Variants in ITLN2 observed in about 807,000 individuals in gnomAD.
The protein encoded by ITLN2 is intelectin 2.
Under a neutral mutation model 39.4 loss-of-function variants are expected in ITLN2, and 29 were observed. The observed-to-expected ratio is 0.74, with a 90% CI of 0.55 to 1.00. ITLN2 has a LOEUF of 1.00. Ranked by LOEUF, ITLN2 falls within the 50% of genes least tolerant of loss-of-function variation. The pLI, the probability that ITLN2 is intolerant of heterozygous loss-of-function variation, is 0.00. For synonymous variants in ITLN2, 156 were observed against 153.4 expected (o/e 1.02, Z -0.12); for missense variants, 412 against 416.7 (o/e 0.99, Z 0.10).
chr1:160,948,512 C>T (rs981539356), intron 6 of ITLN2: 1 of 153,486 alleles, frequency 6.5e-6, no homozygotes, highest in Admixed American at 6.5e-5. Context: ...AACTTCTGTG[C>T]TCTTATTATA....
chr1:160,950,700 G>T lies in ITLN2; in HGVS notation c.453C>A (p.Tyr151Ter). 1 of 1,612,846 alleles carries T rather than the reference G, an allele frequency of 6.2e-7. No individual in the cohort carries two copies. Among genetic ancestry groups the T allele is most frequent in the Non-Finnish European group, 8.5e-7 (1 of 1,179,304 alleles). The part of the protein sequence containing the change: ...ATSDDYKNPG[Y>*]YDIQAKDLGI... ...CCAGGTCCTTGGCCTGGATGTCGTA[G>T]TAGCCAGGGTTCTGGAAAGCAACAG... The change falls in exon 5 of 8, where the codon TAC becomes TAA. Residue 151 changes from tyrosine to a stop codon, truncating the protein, a stop_gained. Transcript: ENST00000368029. LOFTEE classifies it high-confidence loss of function.
In ITLN2 at chr1:160,952,809, T is replaced by C. The variant is rs760100205; in HGVS notation, c.80-76A>G. The C allele has an allele frequency of 2.1e-5, 22 of 1,038,726 alleles. No individual in the cohort carries two copies. In the Middle Eastern group the frequency reaches 1.7e-3, roughly 82 times the overall value. The allele number at this position is 1,038,726 out of a possible 1,614,324, so 64.3% of individuals were successfully genotyped here. The stretch of plus-strand genomic sequence containing the variant: ...CTTTCCTGGCCAATCTCTGCCCCTG[T>C]ATCAACTCATCACTCTGCTCTGAAG... On this transcript the variant is annotated intron_variant, in intron 2 of 7. Transcript: ENST00000368029.
Position 160,951,207 on chromosome 1 carries a change from G to C in ITLN2, c.277C>G (p.Leu93Val). 2 of 1,613,914 alleles carry C rather than the reference G, an allele frequency of 1.2e-6. No individual in the cohort carries two copies. Among genetic ancestry groups the C allele is most frequent in the Non-Finnish European group, 1.7e-6 (2 of 1,179,848 alleles). ...DMTSGGGGWT[L>V]VASVHENDMR... ...TCATTCTCGTGCACGCTGGCCACCA[G>C]GGTCCAGCCGCCACCCCCAGAAGTC... The change falls in exon 4 of 8, where the codon CTG (leucine) becomes GTG (valine). Residue 93 changes from leucine (L) to valine (V), a missense_variant. By Grantham distance (32) the Leu-to-Val change is conservative. Transcript: ENST00000368029.
At position 160,948,029 on chromosome 1, in the gene ITLN2, T is replaced by C; in HGVS notation, c.725A>G (p.Glu242Gly). ...GAACTGAACGAATCCTGCAACAAAT[T>C]CCCCTGAAAAAGAAGAGGTGAAGAA... ...ASYYSPYGQR[E>G]FVAGFVQFRV... Residue 242 changes from glutamate (E) to glycine (G), a missense_variant, in exon 7 of 8, where the codon GAA becomes GGA. Coordinates refer to ENST00000368029, the MANE Select transcript of ITLN2 (RefSeq NM_080878.3). 1 of 1,613,262 alleles carries C rather than the reference T, an allele frequency of 6.2e-7. No homozygotes were observed. The highest frequency in any genetic ancestry group is 8.5e-7 in the Non-Finnish European group (1 of 1,179,476).
intron 6 of ITLN2, chr1:160,948,997 G>C (rs1193099693): frequency 6.6e-6 from 1 of 152,192 alleles, no homozygotes; most frequent in Non-Finnish European, 1.5e-5. Context: ...AGTTCCCTCA[G>C]TATTTATTGA....
intron 5 of ITLN2, 62 bp from the exon 6 acceptor site, chr1:160,950,228 G>C (rs1557874088): frequency 6.4e-7 from 1 of 1,574,366 alleles, no homozygotes. Context: ...AGTGTGGGGG[G>C]AGGAGGGGTT....
chr1:160,946,279 C>T (rs762372608), intron 7 of ITLN2, among the ~76,000 whole-genome samples: 12 of 151,948 alleles, frequency 7.9e-5, no homozygotes, highest in Non-Finnish European at 1.6e-4. Flanking sequence ...CCATTGCACT[C>T]TAGCCCAGGC....
At chr1:160,949,594 G>A in intron 6 of ITLN2, 1 of 160,912 alleles carries the variant, frequency 6.2e-6, no homozygotes. Context: ...AGCACATCCT[G>A]CACAGCCCTA....
chr1:160,950,881 A>C, intron 4 of ITLN2, 162 bp downstream of exon 4: 2 of 1,488,648 alleles, frequency 1.3e-6, no homozygotes, highest in East Asian at 2.3e-5. Flanking sequence ...CCAGGGCCCT[A>C]ACAGCCTTGT....
intron 7 of ITLN2, among the ~76,000 whole-genome samples, chr1:160,947,332 A>G (rs1438207353): frequency 1.3e-5 from 2 of 152,338 alleles, no homozygotes; most frequent in East Asian, 1.9e-4. Flanking sequence ...GTTTTCTCCT[A>G]TCTCAGAATA....
In ITLN2 at chr1:160,947,914, T is replaced by G. The variant is rs1401802663; in HGVS notation, c.825+15A>C. 5.7e-6 allele frequency: 9 copies of G among 1,576,990 alleles called. No homozygotes were observed. The highest frequency in any genetic ancestry group is 7.8e-6 in the Non-Finnish European group (9 of 1,146,510). ...TTTCCCCACACGTGGGCCATTGATC[T>G]CCCCAAAAACTCACATGCTCAGTGT... On this transcript the variant is annotated intron_variant, in intron 7 of 7. Coordinates refer to ENST00000368029, the MANE Select transcript of ITLN2 (RefSeq NM_080878.3).
Position 160,948,002 on chromosome 1 carries a change from CG to C in ITLN2, c.751del (p.Arg251GlyfsTer16). 1 of 1,614,002 alleles carries C rather than the reference CG, an allele frequency of 6.2e-7. No individual in the cohort carries two copies. On this transcript the variant is annotated frameshift_variant, in exon 7 of 8. Coordinates refer to ENST00000368029, the MANE Select transcript of ITLN2 (RefSeq NM_080878.3). LOFTEE classifies it high-confidence loss of function. Reference protein sequence around the residue: ...REFVAGFVQFRVFNNERAANA... With the variant: ...REFVAGFVQFXVFNNERAANA... ...GGCTGCTCTCTCGTTATTAAACACCCGGAACTGAACGAATCCTGCAACAAAT... is the reference window on the plus strand; with the variant it reads ...GGCTGCTCTCTCGTTATTAAACACCCGAACTGAACGAATCCTGCAACAAAT...
chr1:160,948,070 A>C, intron 6 of ITLN2, 38 bp from the exon 7 acceptor site: 1 of 1,534,756 alleles, frequency 6.5e-7, no homozygotes, highest in Non-Finnish European at 9.0e-7. Flanking sequence ...CAAGTAGTCA[A>C]AGGATGAACT....
At chr1:160,946,823 G>C (rs958965444) in intron 7 of ITLN2, among the ~76,000 whole-genome samples, 1 of 152,016 alleles carries the variant, frequency 6.6e-6, no homozygotes, top group African/African-American at 2.4e-5. Flanking sequence ...AACAGAATGA[G>C]AGTAAGCGAG....
chr1:160,947,107 T>C (rs745830486), intron 7 of ITLN2, among the ~76,000 whole-genome samples: 13 of 152,214 alleles, frequency 8.5e-5, no homozygotes, highest in Non-Finnish European at 1.5e-4. Flanking sequence ...ACTATCTTAG[T>C]GAGGGGAGTG....
intron 3 of ITLN2, among the ~76,000 whole-genome samples, chr1:160,952,306 T>G (rs1172142426): frequency 6.6e-6 from 1 of 152,204 alleles, no homozygotes; most frequent in Admixed American, 6.5e-5. Flanking sequence ...GCTCTTTGTC[T>G]CTGGCTCGGG....
At chr1:160,950,191 T>G (rs201116373) in intron 5 of ITLN2, 25 bp from the exon 6 acceptor site, 1 of 1,613,216 alleles carries the variant, frequency 6.2e-7, no homozygotes. Flanking sequence ...AAGAAAGGTT[T>G]TGTGAGGACA....
intron 2 of ITLN2, 67 bp from the exon 3 acceptor site, chr1:160,952,800 C>A: frequency 8.6e-7 from 1 of 1,156,250 alleles, no homozygotes. Flanking sequence ...TGGCCAATCT[C>A]TGCCCCTGTA....
chr1:160,948,243 G>A (rs1671651958), intron 6 of ITLN2, among the ~76,000 whole-genome samples: 1 of 152,158 alleles, frequency 6.6e-6, no homozygotes, highest in Non-Finnish European at 1.5e-5. Context: ...GTTCATAGGG[G>A]GCAAGAGGAC....
Sources: gnomAD v4.1 joint callset for allele counts (sites outside exome capture counted in the v4.1 genomes callset) on GRCh38, gnomAD v4.1.1 for gene constraint, MANE v1.5 for transcripts, NCBI Gene and HGNC (gene_info 2026-07-23, HGNC 2026-07-21) for gene names.